NUTF2: variants seen among roughly 807,000 people sequenced by gnomAD.
NUTF2 encodes the protein nuclear transport factor 2, also known as placental protein 15.
NUTF2 carries 3 observed loss-of-function variants against 18.5 expected under a neutral mutation model. The ratio of observed to expected loss-of-function variants is 0.16; its 90% CI spans 0.07 to 0.42. The LOEUF is 0.42. Among genes scored for constraint, NUTF2 ranks in the 10% least tolerant of loss-of-function variants. The pLI is 0.99. For synonymous variants in NUTF2, 51 were observed against 57.9 expected, an observed-to-expected ratio of 0.88 and a Z score of 0.54; for missense variants, 44 against 160.7, an observed-to-expected ratio of 0.27 and a Z score of 3.93.
chr16:67,865,273 A>G (rs2057962683), intron 2 of NUTF2, 44 bp downstream of exon 2: 3 of 1,385,178 alleles, frequency 2.2e-6, no homozygotes, highest in South Asian at 1.2e-5. Context: ...TAGGGGATCA[A>G]TTTGGATGTT....
At chr16:67,850,973 G>A (rs1168222803) in intron 1 of NUTF2, among the ~76,000 whole-genome samples, 1 of 151,752 alleles carries the variant, frequency 6.6e-6, no homozygotes. Flanking sequence ...GCTAATTTTT[G>A]TATTCTTAGT....
intron 2 of NUTF2, among the ~76,000 whole-genome samples, chr16:67,865,870 C>T (rs1266662215): frequency 6.6e-6 from 1 of 151,976 alleles, no homozygotes; most frequent in Non-Finnish European, 1.5e-5. Context: ...AGGCGCCTGC[C>T]CCCATGGCCA....
intron 1 of NUTF2, among the ~76,000 whole-genome samples, chr16:67,853,699 C>T (rs1380617302): frequency 6.6e-6 from 1 of 151,966 alleles, no homozygotes; most frequent in Non-Finnish European, 1.5e-5. Context: ...TTTGTGGAGA[C>T]AAAAGTCTCA....
At chr16:67,868,656 C>T in intron 4 of NUTF2, 57 bp downstream of exon 4, 1 of 1,472,934 alleles carries the variant, frequency 6.8e-7, no homozygotes, top group Non-Finnish European at 9.5e-7. Context: ...GAGTCTTGTA[C>T]CCCTGCTTTC....
intron 1 of NUTF2, among the ~76,000 whole-genome samples, chr16:67,853,821 A>G (rs2057876858): frequency 6.7e-6 from 1 of 150,264 alleles, no homozygotes; most frequent in African/African-American, 2.5e-5. Context: ...AAGTTTTACA[A>G]CTTCTTGTAG....
At chr16:67,864,684 T>C (rs758087562) in intron 1 of NUTF2, among the ~76,000 whole-genome samples, 9 of 152,066 alleles carry the variant, frequency 5.9e-5, no homozygotes, top group African/African-American at 1.7e-4. Flanking sequence ...GTGGGAAGAA[T>C]AGCAATAACT....
At chr16:67,855,842 A>C in intron 1 of NUTF2, 1 of 369,702 alleles carries the variant, frequency 2.7e-6, no homozygotes, top group Non-Finnish European at 5.1e-6. Context: ...TCATAGGGGA[A>C]GACAAGGCCT....
At chr16:67,855,895 G>GA in intron 1 of NUTF2, 1 of 453,706 alleles carries the variant, frequency 2.2e-6, no homozygotes, top group Non-Finnish European at 4.0e-6. Flanking sequence ...GGCGGGGGGG[G>GA]GGGATGGGGG....
chr16:67,848,751 G>T (rs1037355143), intron 1 of NUTF2, among the ~76,000 whole-genome samples: 1 of 139,940 alleles, frequency 7.1e-6, no homozygotes, highest in Non-Finnish European at 1.6e-5. Context: ...CAAAAAAAAA[G>T]AAAAAGAAAA....
chr16:67,859,941 T>C (rs1455851101), intron 1 of NUTF2, among the ~76,000 whole-genome samples: 2 of 151,676 alleles, frequency 1.3e-5, no homozygotes, highest in African/African-American at 4.8e-5. Flanking sequence ...TAGCTGGGAT[T>C]ACAGGTGTAC....
chr16:67,853,456 C>G (rs2057874641), intron 1 of NUTF2, among the ~76,000 whole-genome samples: 1 of 152,150 alleles, frequency 6.6e-6, no homozygotes, highest in South Asian at 2.1e-4. Flanking sequence ...CTTCTGGGTT[C>G]AAGAGATTCT....
intron 1 of NUTF2, chr16:67,856,009 G>T (rs987415859): frequency 8.6e-7 from 1 of 1,161,832 alleles, no homozygotes; most frequent in Non-Finnish European, 1.3e-6. Context: ...CCTTGAGCAC[G>T]TTGAAGCGTA....
At chr16:67,862,436 TC>T (rs1456703812) in intron 1 of NUTF2, among the ~76,000 whole-genome samples, 2 of 152,162 alleles carry the variant, frequency 1.3e-5, no homozygotes, top group African/African-American at 2.4e-5. Flanking sequence ...AGCTTACTCT[TC>T]CCCACTCTTC....
intron 1 of NUTF2, among the ~76,000 whole-genome samples, chr16:67,863,635 TAAG>T (rs1463680266): frequency 6.6e-6 from 1 of 152,146 alleles, no homozygotes; most frequent in Non-Finnish European, 1.5e-5. Context: ...GCTGAGGCCC[TAAG>T]AAGGGCAGTG....
At chr16:67,862,063 G>T (rs2057938791) in intron 1 of NUTF2, among the ~76,000 whole-genome samples, 1 of 152,214 alleles carries the variant, frequency 6.6e-6, no homozygotes, top group Non-Finnish European at 1.5e-5. Context: ...ATGGCTTAGG[G>T]AGATGGGGAT....
chr16:67,862,696 G>A (rs1242377966), intron 1 of NUTF2, among the ~76,000 whole-genome samples: 2 of 152,164 alleles, frequency 1.3e-5, no homozygotes, highest in Admixed American at 1.3e-4. Flanking sequence ...GCAGCCAGAC[G>A]TGGTGGTGCT....
At chr16:67,865,266 G>A (rs1180326215) in intron 2 of NUTF2, 37 bp downstream of exon 2, 1 of 1,457,688 alleles carries the variant, frequency 6.9e-7, no homozygotes, top group African/African-American at 1.4e-5. Flanking sequence ...TGGACCCTAG[G>A]GGATCAATTT....
rs2151302372 is a variant in NUTF2, at chr16:67,871,302, A to G, written c.*389A>G. 6.2e-6 allele frequency: 1 copy of G among 162,242 alleles called. No homozygotes were observed. The highest frequency in any genetic ancestry group is 1.7e-4 in the East Asian group (1 of 5,746). The allele number at this position is 162,242 out of a possible 1,614,324, so 10.1% of individuals were successfully genotyped here. On this transcript the variant is annotated 3_prime_UTR_variant, in exon 5 of 5. Coordinates refer to ENST00000219169, the MANE Select transcript of NUTF2 (RefSeq NM_005796.3). ...TGCCTCATGATACAATAAAACCACAAAAATTTTCTTAACAGTTTAAATTGT... is the reference window on the plus strand; with the variant it reads ...TGCCTCATGATACAATAAAACCACAGAAATTTTCTTAACAGTTTAAATTGT...
At chr16:67,850,229 G>T (rs567529209) in intron 1 of NUTF2, among the ~76,000 whole-genome samples, 1 of 149,112 alleles carries the variant, frequency 6.7e-6, no homozygotes, top group East Asian at 2.0e-4. Context: ...TTTTGAGATG[G>T]AGTCGTACTC....
Sources: allele counts gnomAD v4.1 joint callset (sites outside exome capture counted in the v4.1 genomes callset), GRCh38; gene constraint gnomAD v4.1.1; transcripts MANE v1.5; gene names NCBI Gene and HGNC (gene_info 2026-07-23, HGNC 2026-07-21).